Variants in THRAP3 observed in about 807,000 individuals in gnomAD.
The protein encoded by THRAP3 is thyroid hormone receptor associated protein 3.
A neutral mutation model predicts 101.0 loss-of-function variants in THRAP3; 16 were observed. The ratio of observed to expected loss-of-function variants is 0.16; its 90% confidence interval spans 0.11 to 0.24. The LOEUF (loss-of-function observed/expected upper bound fraction) is 0.24, where lower values mean the gene tolerates loss of function less well. Among genes scored for constraint, THRAP3 ranks in the 10% least tolerant of loss-of-function variants. The pLI, the probability that THRAP3 is intolerant of heterozygous loss-of-function variation, is 1.00. For missense variants in THRAP3, 989 were observed against 1,202.7 expected (o/e 0.82, Z 2.63); for synonymous variants, 407 against 422.6 (o/e 0.96, Z 0.45).
chr1:36,248,523 C>T (rs1051736754), intron 1 of THRAP3, among the ~76,000 whole-genome samples: 1 of 149,664 alleles, frequency 6.7e-6, no homozygotes, highest in African/African-American at 2.5e-5. Flanking sequence ...TCATGACTCA[C>T]TGCAGCCTTG....
At chr1:36,284,473 T>C (rs1645770900) in intron 3 of THRAP3, among the ~76,000 whole-genome samples, 1 of 152,266 alleles carries the variant, frequency 6.6e-6, no homozygotes, top group Non-Finnish European at 1.5e-5. Context: ...CTGGCTTATC[T>C]GTTTCATGGT....
rs1417871530 is a variant in THRAP3, at chr1:36,300,894, G to A, written c.2312G>A (p.Arg771Gln). The A allele has an allele frequency of 1.1e-5, 18 of 1,613,064 alleles. No individual in the cohort carries two copies. Among genetic ancestry groups the A allele is most frequent in the East Asian group, 4.5e-5 (2 of 44,882 alleles). ...CTCTTCTCTTTTCACAGGAAGCATC[G>A]GAGAGCAAGAGACAGGTCCAGATCC... ...HKGSKKQKKH[R>Q]RARDRSRSSS... Residue 771 changes from arginine to glutamine, a missense_variant, in exon 10 of 12, where the codon CGG becomes CAG. Transcript: ENST00000354618.
chr1:36,243,887 C>T (rs1358343038), intron 1 of THRAP3, among the ~76,000 whole-genome samples: 2 of 145,438 alleles, frequency 1.4e-5, no homozygotes, highest in African/African-American at 2.5e-5. Flanking sequence ...GACCCCCCCA[C>T]CTCCCTCCCA....
intron 7 of THRAP3, among the ~76,000 whole-genome samples, chr1:36,293,583 G>A (rs1645906118): frequency 6.6e-6 from 1 of 150,712 alleles, no homozygotes; most frequent in Admixed American, 6.6e-5. Flanking sequence ...TCTGTGTGTA[G>A]CAAAACCAGG....
At chr1:36,290,922 C>T (rs1008036237) in intron 5 of THRAP3, among the ~76,000 whole-genome samples, 3 of 152,182 alleles carry the variant, frequency 2.0e-5, no homozygotes, top group Non-Finnish European at 2.9e-5. Flanking sequence ...ACCCCACTCC[C>T]GCTTCATGAC....
chr1:36,273,125 TG>T (rs1645612079), intron 2 of THRAP3, among the ~76,000 whole-genome samples: 1 of 152,262 alleles, frequency 6.6e-6, no homozygotes, highest in South Asian at 2.1e-4. Context: ...TGGTTCATTT[TG>T]TAGCCTCCTG....
chr1:36,236,263 A>G (rs545918695), intron 1 of THRAP3, among the ~76,000 whole-genome samples: 41 of 151,998 alleles, frequency 2.7e-4, no homozygotes, highest in Middle Eastern at 3.4e-3. Flanking sequence ...CTGGGCGCAA[A>G]AACCAAACCT....
upstream of THRAP3, among the ~76,000 whole-genome samples, chr1:36,224,089 C>T (rs1439836445): frequency 6.6e-6 from 1 of 152,258 alleles, no homozygotes; most frequent in Admixed American, 6.5e-5. Flanking sequence ...TTCAACAAGG[C>T]AAGCTGGCCC....
At chr1:36,244,357 A>G (rs1047447901) in intron 1 of THRAP3, among the ~76,000 whole-genome samples, 3 of 152,192 alleles carry the variant, frequency 2.0e-5, no homozygotes, top group Non-Finnish European at 4.4e-5. Context: ...TCTAGTAGCT[A>G]CTTCCAATTT....
At chr1:36,276,229 A>G (rs895325206) in intron 2 of THRAP3, among the ~76,000 whole-genome samples, 18 of 152,098 alleles carry the variant, frequency 1.2e-4, no homozygotes, top group African/African-American at 4.1e-4. Context: ...AAAAAAAAAA[A>G]AAAATGTGCT....
chr1:36,232,910 T>C (rs891146250), intron 1 of THRAP3, among the ~76,000 whole-genome samples: 1 of 143,084 alleles, frequency 7.0e-6, no homozygotes, highest in African/African-American at 2.5e-5. Flanking sequence ...AGTCTCACTC[T>C]GTTGCCCAGG....
chr1:36,295,579 T>TTCCTTCCTTCCCTCCTCCCTTCCTTCCTC (rs1557456519), intron 8 of THRAP3, among the ~76,000 whole-genome samples: 2 of 141,972 alleles, frequency 1.4e-5, no homozygotes, highest in African/African-American at 5.4e-5. Context: ...CTTCCTTCCC[T>TTCCTTCCTTCCCTCCTCCCTTCCTTCCTC]CCTCCCTTCC....
chr1:36,296,134 C>T (rs72663430), intron 8 of THRAP3, among the ~76,000 whole-genome samples: 3,863 of 151,808 alleles, frequency 0.025, 69 homozygotes, highest in Non-Finnish European at 0.041. Context: ...CCACCTTGCT[C>T]GGCTGATTTT....
chr1:36,288,482 T>C (rs1645824633), intron 4 of THRAP3: 1 of 985,434 alleles, frequency 1.0e-6, no homozygotes, highest in Non-Finnish European at 1.2e-6. Context: ...AGAAAGAGAA[T>C]GATGATTTTT....
chr1:36,295,125 AG>A, intron 8 of THRAP3, among the ~76,000 whole-genome samples: 1 of 151,650 alleles, frequency 6.6e-6, no homozygotes, highest in African/African-American at 2.4e-5. Context: ...TGGGAGGCTG[AG>A]GCAGGAGAAT....
At chr1:36,260,744 C>T (rs997652618) in intron 2 of THRAP3, among the ~76,000 whole-genome samples, 3 of 151,572 alleles carry the variant, frequency 2.0e-5, no homozygotes, top group Non-Finnish European at 4.4e-5. Context: ...ATGGTGTGAA[C>T]CCAGGAGGCG....
At chr1:36,217,571 G>T in the THRAP3 span, among the ~76,000 whole-genome samples, 1 of 151,834 alleles carries the variant, frequency 6.6e-6, no homozygotes, top group Admixed American at 6.6e-5. Flanking sequence ...TGGCAACCCT[G>T]TGTCAAGCAA....
chr1:36,286,361 A>G lies in THRAP3; in HGVS notation c.138-7A>G. On this transcript the variant is annotated splice_polypyrimidine_tract_variant and splice_region_variant and intron_variant, in intron 3 of 11. Transcript: ENST00000354618. This position sits in a 1 kb window ranked among gnomAD's most constrained non-coding sequence, Gnocchi z 5.5. The stretch of plus-strand genomic sequence containing the variant: ...TCAAACATTTGTCTCTTTCCTTTCC[A>G]TTCCAGTTCTAGGTCTCGTTCCAGA... The G allele has an allele frequency of 6.4e-7, 1 of 1,558,232 alleles. No homozygotes were observed. The highest frequency in any genetic ancestry group is 8.7e-7 in the Non-Finnish European group (1 of 1,155,818).
chr1:36,224,071 G>GTT (rs1644927940), upstream of THRAP3, among the ~76,000 whole-genome samples: 1 of 152,226 alleles, frequency 6.6e-6, no homozygotes, highest in Non-Finnish European at 1.5e-5. Flanking sequence ...CTTCCAACTC[G>GTT]GAAGCTTTTC....
Sources: allele counts gnomAD v4.1 joint callset (sites outside exome capture counted in the v4.1 genomes callset), GRCh38; gene constraint gnomAD v4.1.1; non-coding constraint Gnocchi (gnomAD v3.1); transcripts MANE v1.5; gene names NCBI Gene and HGNC (gene_info 2026-07-23, HGNC 2026-07-21).